TMEM272: variants seen among roughly 807,000 people sequenced by gnomAD.
The protein encoded by TMEM272 is long intergenic non-protein coding RNA 282.
A neutral mutation model predicts 3.7 loss-of-function variants in TMEM272; 8 were observed. The observed-to-expected ratio is 2.17, with a 90% CI of 1.27 to 3.91. The LOEUF is 3.91. Among genes scored for constraint, TMEM272 ranks in the 30% most tolerant of loss-of-function variants. The pLI is 0.00. For missense variants in TMEM272, 166 were observed against 91.5 expected, an observed-to-expected ratio of 1.81 and a Z score of -3.32; for synonymous variants, 63 against 39.8, an observed-to-expected ratio of 1.58 and a Z score of -2.20.
intron 2 of TMEM272, among the ~76,000 whole-genome samples, chr13:51,829,360 A>G (rs995397691): frequency 1.3e-5 from 2 of 152,216 alleles, no homozygotes; most frequent in African/African-American, 4.8e-5. Flanking sequence ...TTTATATTTT[A>G]GTCCCTTGAA....
At chr13:51,878,660 C>T in the TMEM272 span, among the ~76,000 whole-genome samples, 3 of 152,140 alleles carry the variant, frequency 2.0e-5, no homozygotes, top group East Asian at 1.9e-4. Context: ...AAGTAACTCT[C>T]GAATGTATTT....
the TMEM272 span, chr13:51,865,993 C>G: frequency 4.3e-6 from 7 of 1,613,750 alleles, no homozygotes; most frequent in Non-Finnish European, 5.9e-6. Flanking sequence ...ACAATGGCCA[C>G]ATTGCCGGAG....
upstream of TMEM272, among the ~76,000 whole-genome samples, chr13:51,849,145 TC>T (rs1385971265): frequency 1.3e-5 from 2 of 152,170 alleles, no homozygotes; most frequent in Non-Finnish European, 2.9e-5. Flanking sequence ...GAATGCATGG[TC>T]CCACAACTAG....
the TMEM272 span, among the ~76,000 whole-genome samples, chr13:51,901,193 A>C: frequency 1.3e-5 from 2 of 152,258 alleles, no homozygotes; most frequent in South Asian, 4.2e-4. Context: ...TGTCCACACA[A>C]CCTCATCTGT....
chr13:51,843,194 C>T (rs1956276559), intron 1 of TMEM272, among the ~76,000 whole-genome samples: 1 of 152,160 alleles, frequency 6.6e-6, no homozygotes, highest in African/African-American at 2.4e-5. Context: ...GTATGTTCCC[C>T]CTTGTGATTT....
At chr13:51,836,390 T>C (rs1956216767) in intron 2 of TMEM272, among the ~76,000 whole-genome samples, 1 of 152,242 alleles carries the variant, frequency 6.6e-6, no homozygotes, top group South Asian at 2.1e-4. Context: ...TTAAGAGACC[T>C]CCCTCAAATC....
At chr13:51,843,517 A>G (rs1956279066) in intron 1 of TMEM272, among the ~76,000 whole-genome samples, 1 of 152,252 alleles carries the variant, frequency 6.6e-6, no homozygotes, top group Non-Finnish European at 1.5e-5. Context: ...AATCCATTAA[A>G]TGATTGACTA....
chr13:51,821,565 T>C (rs1335008717), intron 4 of TMEM272, among the ~76,000 whole-genome samples: 1 of 151,382 alleles, frequency 6.6e-6, no homozygotes, highest in Non-Finnish European at 1.5e-5. Flanking sequence ...GTTAGTCAAT[T>C]GAGAACTAGG....
chr13:51,848,081 A>G (rs1956315101), upstream of TMEM272, among the ~76,000 whole-genome samples: 1 of 152,138 alleles, frequency 6.6e-6, no homozygotes, highest in South Asian at 2.1e-4. Context: ...GTTAAGAAAA[A>G]CGGGGAATCT....
the TMEM272 span, among the ~76,000 whole-genome samples, chr13:51,926,560 G>A: frequency 1.3e-5 from 2 of 148,394 alleles, no homozygotes; most frequent in Non-Finnish European, 3.0e-5. Flanking sequence ...TCAGGAAGAA[G>A]GGAAGAGCCC....
At chr13:51,835,793 C>A (rs963126630) in intron 2 of TMEM272, among the ~76,000 whole-genome samples, 7 of 152,180 alleles carry the variant, frequency 4.6e-5, no homozygotes, top group African/African-American at 7.2e-5. Context: ...CAGATACTTG[C>A]CACTCAGGTT....
chr13:51,843,707 T>TA (rs917900587), intron 1 of TMEM272, among the ~76,000 whole-genome samples: 1 of 152,242 alleles, frequency 6.6e-6, no homozygotes, highest in Non-Finnish European at 1.5e-5. Context: ...AACAGTGACT[T>TA]ACAAGTCTAT....
chr13:51,929,736 G>A, the TMEM272 span, among the ~76,000 whole-genome samples: 8 of 152,168 alleles, frequency 5.3e-5, no homozygotes, highest in Non-Finnish European at 8.8e-5. Flanking sequence ...TCTGTGTCCC[G>A]GACAGTCAAC....
chr13:51,907,302 A>C, the TMEM272 span, among the ~76,000 whole-genome samples: 1 of 152,178 alleles, frequency 6.6e-6, no homozygotes, highest in Non-Finnish European at 1.5e-5. Flanking sequence ...TTCAACATCT[A>C]GGGCCTTGCT....
At chr13:51,926,437 T>C in the TMEM272 span, among the ~76,000 whole-genome samples, 12 of 152,110 alleles carry the variant, frequency 7.9e-5, no homozygotes, top group African/African-American at 2.9e-4. Context: ...TCATGGGCAG[T>C]GGACACAATT....
intron 4 of TMEM272, among the ~76,000 whole-genome samples, chr13:51,818,853 T>C (rs1956055809): frequency 6.6e-6 from 1 of 152,182 alleles, no homozygotes; most frequent in East Asian, 1.9e-4. Flanking sequence ...CCGCGTATTA[T>C]CTCTGTTGCC....
chr13:51,828,363 C>A (rs73494177), intron 2 of TMEM272, among the ~76,000 whole-genome samples: 2,289 of 152,316 alleles, frequency 0.015, 56 homozygotes, highest in African/African-American at 0.052. Context: ...GGGAGCCTCA[C>A]GTGCACACCA....
the TMEM272 span, chr13:51,908,648 G>A: frequency 1.3e-6 from 2 of 1,483,902 alleles, no homozygotes; most frequent in Non-Finnish European, 1.9e-6. Flanking sequence ...CATTTCCACT[G>A]GATTCCATTT....
At chr13:51,906,862 A>T in the TMEM272 span, among the ~76,000 whole-genome samples, 6 of 152,330 alleles carry the variant, frequency 3.9e-5, no homozygotes, top group East Asian at 1.2e-3. Flanking sequence ...CAACAGTGAA[A>T]GGGAAGCTAT....
Sources: allele counts gnomAD v4.1 joint callset (sites outside exome capture counted in the v4.1 genomes callset), GRCh38; gene constraint gnomAD v4.1.1; transcripts MANE v1.5; gene names NCBI Gene and HGNC (gene_info 2026-07-23, HGNC 2026-07-21).